The following SPAG16 variants were observed in gnomAD, a reference collection of about 807,000 sequenced individuals.
SPAG16 encodes the protein sperm associated antigen 16, also known as sperm-associated antigen 16 protein.
A neutral mutation model predicts 80.4 loss-of-function variants in SPAG16; 86 were observed. The observed-to-expected ratio is 1.07, with a 90% CI of 0.90 to 1.28. The LOEUF (loss-of-function observed/expected upper bound fraction) is 1.28. Ranked by LOEUF, SPAG16 falls within the 50% of genes most tolerant of loss-of-function variation. SPAG16 has a pLI of 0.00. For synonymous variants in SPAG16, 294 were observed against 265.9 expected (o/e 1.11, Z -1.03); for missense variants, 870 against 765.3 (o/e 1.14, Z -1.61).
chr2:214,406,095 A>G (rs1701984835), intron 15 of SPAG16, among the ~76,000 whole-genome samples: 1 of 152,198 alleles, frequency 6.6e-6, no homozygotes, highest in Admixed American at 6.5e-5. Context: ...TGATAAGTCA[A>G]GTTCCATGAT....
At chr2:213,351,579 T>C (rs1454555111) in intron 7 of SPAG16, among the ~76,000 whole-genome samples, 1 of 152,114 alleles carries the variant, frequency 6.6e-6, no homozygotes, top group East Asian at 1.9e-4. Flanking sequence ...CATTTATCAG[T>C]TTTTTTAGAA....
chr2:214,214,519 C>G (rs1420625468), intron 15 of SPAG16, among the ~76,000 whole-genome samples: 1 of 152,108 alleles, frequency 6.6e-6, no homozygotes, highest in Non-Finnish European at 1.5e-5. Flanking sequence ...CTGGCATTCT[C>G]TATTCCAGGC....
At chr2:213,805,831 A>T (rs976783684) in intron 10 of SPAG16, among the ~76,000 whole-genome samples, 1 of 152,174 alleles carries the variant, frequency 6.6e-6, no homozygotes, top group African/African-American at 2.4e-5. Flanking sequence ...TTTAAATTTT[A>T]AAATATTTTC....
intron 15 of SPAG16, among the ~76,000 whole-genome samples, chr2:214,323,152 T>G (rs1322207806): frequency 6.6e-6 from 1 of 152,120 alleles, no homozygotes; most frequent in African/African-American, 2.4e-5. Context: ...TATTTAGTAT[T>G]TGTCCTACGG....
intron 10 of SPAG16, among the ~76,000 whole-genome samples, chr2:213,847,604 C>G (rs2074694836): frequency 6.6e-6 from 1 of 152,168 alleles, no homozygotes; most frequent in African/African-American, 2.4e-5. Context: ...CACCCTACAC[C>G]AGGCCCCACC....
chr2:213,407,635 GAGAGAC>G (rs1159456954), intron 9 of SPAG16, among the ~76,000 whole-genome samples: 24 of 82,074 alleles, frequency 2.9e-4, no homozygotes, highest in South Asian at 9.2e-4. Flanking sequence ...GAGAGAGAGA[GAGAGAC>G]AGACAGACAG....
intron 9 of SPAG16, among the ~76,000 whole-genome samples, chr2:213,406,691 T>C (rs1161804099): frequency 1.3e-5 from 2 of 152,138 alleles, no homozygotes; most frequent in Non-Finnish European, 2.9e-5. Context: ...CACCCTTCTA[T>C]GTAGAAGTAA....
intron 13 of SPAG16, among the ~76,000 whole-genome samples, chr2:214,078,916 G>A (rs191194616): frequency 1.3e-5 from 2 of 152,174 alleles, no homozygotes; most frequent in East Asian, 3.9e-4. Context: ...ATTCACTAAG[G>A]TAAAGTAGGG....
chr2:213,347,529 A>T (rs985735185), intron 6 of SPAG16, among the ~76,000 whole-genome samples: 2 of 152,188 alleles, frequency 1.3e-5, no homozygotes, highest in African/African-American at 2.4e-5. Context: ...ATTTAGTGCT[A>T]TAAATTTTCC....
intron 9 of SPAG16, among the ~76,000 whole-genome samples, chr2:213,458,271 TA>T (rs890003776): frequency 5.9e-5 from 9 of 151,404 alleles, no homozygotes; most frequent in African/African-American, 9.7e-5. Context: ...TGATGAAGAT[TA>T]AAAAAAAATC....
chr2:214,031,998 C>T (rs942675713), intron 13 of SPAG16, among the ~76,000 whole-genome samples: 2 of 152,186 alleles, frequency 1.3e-5, no homozygotes, highest in Non-Finnish European at 2.9e-5. Flanking sequence ...GACACAGAGA[C>T]AAATCATGTC....
At chr2:213,558,303 T>G (rs1197164042) in intron 10 of SPAG16, among the ~76,000 whole-genome samples, 2 of 152,092 alleles carry the variant, frequency 1.3e-5, no homozygotes, top group Non-Finnish European at 2.9e-5. Flanking sequence ...GCTTAAGATG[T>G]CTTTTGAAAA....
At chr2:214,404,250 G>C (rs1363562704) in intron 15 of SPAG16, among the ~76,000 whole-genome samples, 1 of 152,126 alleles carries the variant, frequency 6.6e-6, no homozygotes, top group African/African-American at 2.4e-5. Flanking sequence ...TAGTAAAAAA[G>C]AGCACTGATT....
intron 10 of SPAG16, among the ~76,000 whole-genome samples, chr2:213,704,122 A>G (rs1292983025): frequency 2.6e-5 from 4 of 152,208 alleles, no homozygotes; most frequent in Non-Finnish European, 5.9e-5. Context: ...ATCATCAGAA[A>G]GACAATCATG....
At chr2:213,785,155 T>C (rs2070257922) in intron 10 of SPAG16, among the ~76,000 whole-genome samples, 1 of 152,178 alleles carries the variant, frequency 6.6e-6, no homozygotes, top group Admixed American at 6.5e-5. Context: ...CAGGTAACCA[T>C]CGTTAGCATT....
chr2:213,952,379 C>T (rs2079834865), intron 12 of SPAG16, among the ~76,000 whole-genome samples: 1 of 151,774 alleles, frequency 6.6e-6, no homozygotes, highest in South Asian at 2.1e-4. Context: ...ACAGTTGTAA[C>T]CATTCATAGA....
intron 11 of SPAG16, among the ~76,000 whole-genome samples, chr2:213,864,610 C>A (rs368991730): frequency 6.6e-6 from 1 of 151,944 alleles, no homozygotes; most frequent in Non-Finnish European, 1.5e-5. Context: ...TTATTTTTTT[C>A]TTTCCTTTGC....
intron 15 of SPAG16, among the ~76,000 whole-genome samples, chr2:214,189,300 A>G (rs781677458): frequency 6.6e-6 from 1 of 152,096 alleles, no homozygotes; most frequent in Non-Finnish European, 1.5e-5. Flanking sequence ...ACAGAAGACT[A>G]AAGGGGAATT....
intron 15 of SPAG16, among the ~76,000 whole-genome samples, chr2:214,400,204 T>C (rs973986952): frequency 2.0e-5 from 3 of 151,868 alleles, no homozygotes; most frequent in African/African-American, 7.3e-5. Flanking sequence ...CCTAGCAAGG[T>C]AGACTTAATT....
Sources: allele counts gnomAD v4.1 joint callset (sites outside exome capture counted in the v4.1 genomes callset), GRCh38; gene constraint gnomAD v4.1.1; transcripts MANE v1.5; gene names NCBI Gene and HGNC (gene_info 2026-07-23, HGNC 2026-07-21).